The following HAPLN1 variants were observed in gnomAD, a reference collection of about 807,000 sequenced individuals.
The protein encoded by HAPLN1 is hyaluronan and proteoglycan link protein 1.
HAPLN1 carries 13 observed loss-of-function variants against 36.5 expected under a neutral mutation model. That is an observed-to-expected ratio of 0.36 (90% CI 0.23 to 0.57). The LOEUF (loss-of-function observed/expected upper bound fraction) is 0.57, where lower values mean the gene tolerates loss of function less well. Among genes scored for constraint, HAPLN1 ranks in the 20% least tolerant of loss-of-function variants. The pLI is 0.83. For missense variants in HAPLN1, 407 were observed against 439.7 expected (o/e 0.93, Z 0.66); for synonymous variants, 202 against 169.8 (o/e 1.19, Z -1.48).
chr5:83,655,948 T>C (rs1438812152), intron 2 of HAPLN1, among the ~76,000 whole-genome samples: 1 of 152,194 alleles, frequency 6.6e-6, no homozygotes. Context: ...TTACAAACTT[T>C]GCACACTTTT....
chr5:83,652,855 T>G lies in HAPLN1; in HGVS notation c.101-31A>C, dbSNP rs758251315. 15 of 1,499,478 alleles carry G rather than the reference T, an allele frequency of 1.0e-5. 1 individual carries two copies. The South Asian group carries it at 1.6e-4, about 16-fold the overall frequency. 92.9% of individuals were successfully genotyped at this position (1,499,478 alleles called of 1,614,324 possible). A position where few individuals can be genotyped will look rare whatever the true frequency, so the allele number is the denominator to read the frequency against. Reference sequence around the variant, plus strand: ...ATTAAAAAGGAAAAAAAAAAGAAAATAACTATTAATATACTTTCAGACATT... The same window carrying G: ...ATTAAAAAGGAAAAAAAAAAGAAAAGAACTATTAATATACTTTCAGACATT... On this transcript the variant is annotated intron_variant, in intron 2 of 4. Transcript: ENST00000274341.
At chr5:83,696,167 C>A (rs1469080209) in intron 1 of HAPLN1, among the ~76,000 whole-genome samples, 1 of 151,782 alleles carries the variant, frequency 6.6e-6, no homozygotes, top group Non-Finnish European at 1.5e-5. Context: ...ATACCATATA[C>A]CAAAGCATAA....
chr5:83,651,330 T>C (rs1750055908), intron 3 of HAPLN1, among the ~76,000 whole-genome samples: 1 of 152,164 alleles, frequency 6.6e-6, no homozygotes, highest in Non-Finnish European at 1.5e-5. Context: ...TAGTTTCAAT[T>C]AATATTTGAT....
chr5:83,671,108 C>T (rs1453949002), intron 2 of HAPLN1, among the ~76,000 whole-genome samples: 5 of 152,076 alleles, frequency 3.3e-5, no homozygotes, highest in Non-Finnish European at 5.9e-5. Context: ...AATTAGCTAA[C>T]CCATACACAT....
intron 2 of HAPLN1, among the ~76,000 whole-genome samples, chr5:83,656,197 G>A (rs184901681): frequency 1.7e-4 from 26 of 151,784 alleles, no homozygotes; most frequent in Admixed American, 1.2e-3. Flanking sequence ...GCATGGTGGC[G>A]TGTGCCTATA....
intron 1 of HAPLN1, among the ~76,000 whole-genome samples, chr5:83,677,999 G>A (rs997683326): frequency 4.6e-5 from 7 of 152,134 alleles, no homozygotes; most frequent in African/African-American, 1.4e-4. Context: ...TCTGGGGGAT[G>A]GGGCCCAGCC....
At chr5:83,681,945 G>A (rs1154891) in intron 1 of HAPLN1, among the ~76,000 whole-genome samples, 62,626 of 151,906 alleles carry the variant, frequency 0.41, 13,347 homozygotes, top group African/African-American at 0.49. Flanking sequence ...CTAGTTACAG[G>A]TTTTATAATT....
chr5:83,687,054 A>G lies in HAPLN1; in HGVS notation c.-26-13505T>C, dbSNP rs141827600. ...ATATAAAACAAAAGGAAATGCACTC[A>G]AAAATTACGAAATATGTAAAACAAA... On this transcript the variant is annotated intron_variant, in intron 1 of 4. Transcript: ENST00000274341. Among the ~76,000 whole-genome samples, 622 of 152,330 alleles carry G rather than the reference A, an allele frequency of 4.1e-3. 4 individuals carry two copies. The highest frequency in any genetic ancestry group is 7.6e-3 in the Admixed American group (116 of 15,288).
At chr5:83,702,747 C>CT (rs35100692) in intron 1 of HAPLN1, among the ~76,000 whole-genome samples, 9 of 150,500 alleles carry the variant, frequency 6.0e-5, no homozygotes, top group South Asian at 2.1e-4. Flanking sequence ...AACAGTTTTC[C>CT]TTTTTTTTTT....
chr5:83,676,724 T>C (rs1384156258), intron 1 of HAPLN1, among the ~76,000 whole-genome samples: 2 of 152,184 alleles, frequency 1.3e-5, no homozygotes, highest in Non-Finnish European at 2.9e-5. Context: ...AGCTAAAATT[T>C]AGACAATCGG....
In HAPLN1 at chr5:83,713,025, G is replaced by T. The variant is rs367883722; in HGVS notation, c.-27+7764C>A. ...ATAGACTTGAATTAGTCTGCATTCT[G>T]TGGCAAACTCATTTATATGGTAAGC... On this transcript the variant is annotated intron_variant, in intron 1 of 4. Coordinates refer to ENST00000274341, the MANE Select transcript of HAPLN1 (RefSeq NM_001884.4). 3.7e-4 allele frequency among the ~76,000 whole-genome samples: 56 copies of T among 152,256 alleles called. 1 individual carries two copies. In the South Asian group the frequency reaches 0.011, roughly 31 times the overall value.
chr5:83,650,120 T>G (rs2112563126), intron 3 of HAPLN1, among the ~76,000 whole-genome samples: 1 of 152,302 alleles, frequency 6.6e-6, no homozygotes, highest in East Asian at 1.9e-4. Flanking sequence ...CTCCTGTTTT[T>G]TTAAAGCCTC....
In HAPLN1 at chr5:83,639,107, G is replaced by C. The variant is rs1451384402; in HGVS notation, c.*2389C>G. 3 of 152,026 alleles carry C rather than the reference G, an allele frequency of 2.0e-5. No individual in the cohort carries two copies. The highest frequency in any genetic ancestry group is 7.2e-5 in the African/African-American group (3 of 41,444). The allele number at this position is 152,026 out of a possible 1,614,324, so 9.4% of individuals were successfully genotyped here. A position where few individuals can be genotyped will look rare whatever the true frequency, so the allele number is the denominator to read the frequency against. ...CCTTTCTTTTTCAGACCTGCTCAGT[G>C]AGACATCTTGGGGAATGAAGTAGGA... is the stretch of plus-strand genomic sequence containing the variant. On this transcript the variant is annotated 3_prime_UTR_variant, in exon 5 of 5. Coordinates refer to ENST00000274341, the MANE Select transcript of HAPLN1 (RefSeq NM_001884.4).
intron 1 of HAPLN1, among the ~76,000 whole-genome samples, chr5:83,680,863 A>T (rs1750982582): frequency 1.3e-5 from 2 of 152,198 alleles, no homozygotes; most frequent in South Asian, 2.1e-4. Flanking sequence ...TCACCTCATG[A>T]ACAATTATTA....
chr5:83,644,508 G>T lies in HAPLN1; in HGVS notation c.630C>A (p.Leu210=). 3 of 1,611,872 alleles carry T rather than the reference G, an allele frequency of 1.9e-6. No individual in the cohort carries two copies. The highest frequency in any genetic ancestry group is 2.5e-6 in the Non-Finnish European group (3 of 1,179,050). ...GGLDWCNAGW[L]SDGSVQYPIT... is the part of the protein sequence containing the mutation. Reference sequence around the variant, plus strand: ...TGGGATATTGCACAGAGCCATCACTGAGCCAGCCGGCATTGCACCAGTCCA... The same window carrying T: ...TGGGATATTGCACAGAGCCATCACTTAGCCAGCCGGCATTGCACCAGTCCA... The change falls in exon 4 of 5, where the codon CTC becomes CTA. Residue 210 remains leucine (L), a synonymous_variant. Coordinates refer to ENST00000274341, the MANE Select transcript of HAPLN1 (RefSeq NM_001884.4).
At chr5:83,662,897 G>C (rs1350122149) in intron 2 of HAPLN1, among the ~76,000 whole-genome samples, 1 of 152,216 alleles carries the variant, frequency 6.6e-6, no homozygotes, top group Non-Finnish European at 1.5e-5. Flanking sequence ...AGAAGACGTC[G>C]AAATAATCCC....
chr5:83,655,461 GTTT>G (rs1750183173), intron 2 of HAPLN1, among the ~76,000 whole-genome samples: 1 of 151,814 alleles, frequency 6.6e-6, no homozygotes, highest in Non-Finnish European at 1.5e-5. Flanking sequence ...ACCCAAAATA[GTTT>G]TTTAACAAGC....
intron 1 of HAPLN1, among the ~76,000 whole-genome samples, chr5:83,702,490 A>ACAG (rs541722820): frequency 1.5e-3 from 222 of 152,308 alleles, no homozygotes; most frequent in Non-Finnish European, 2.7e-3. Context: ...TTATCTCAGC[A>ACAG]CAGCATCTTC....
rs539790396 is a variant in HAPLN1, at chr5:83,688,642, C to CTTTTTTTTTTTTTTTTTT, written c.-26-15111_-26-15094dup. On this transcript the variant is annotated intron_variant, in intron 1 of 4. Coordinates refer to ENST00000274341, the MANE Select transcript of HAPLN1 (RefSeq NM_001884.4). The stretch of plus-strand genomic sequence containing the variant: ...TATTTGCCAAATGCAGCTTTTGATT[C>CTTTTTTTTTTTTTTTTTT]TTTTTTTTTTTTTTTTTTTTTTTTT... Among the ~76,000 whole-genome samples the CTTTTTTTTTTTTTTTTTT allele has an allele frequency of 6.2e-5, 5 of 80,560 alleles. 2 individuals are homozygous for CTTTTTTTTTTTTTTTTTT. Among genetic ancestry groups the CTTTTTTTTTTTTTTTTTT allele is most frequent in the African/African-American group, 2.1e-4 (4 of 19,078 alleles). The allele number at this position is 80,560 out of a possible 152,430, so 52.9% of individuals were successfully genotyped here.
Sources: gnomAD v4.1 joint callset for allele counts (sites outside exome capture counted in the v4.1 genomes callset) on GRCh38, gnomAD v4.1.1 for gene constraint, MANE v1.5 for transcripts, NCBI Gene and HGNC (gene_info 2026-07-23, HGNC 2026-07-21) for gene names.